RELN: variants seen among roughly 807,000 people sequenced by gnomAD.
RELN encodes reelin.
A neutral mutation model predicts 427.6 loss-of-function variants in RELN; 108 were observed. The observed-to-expected ratio is 0.25, with a 90% CI of 0.22 to 0.30. The LOEUF is 0.30. Ranked by LOEUF, RELN falls within the 10% of genes least tolerant of loss-of-function variation. The probability of loss-of-function intolerance (pLI) is 1.00; values close to 1 mark genes in which losing one functional copy is unlikely to be tolerated. For missense variants in RELN, 3,715 were observed against 4,302.8 expected, an observed-to-expected ratio of 0.86 and a Z score of 3.82; for synonymous variants, 1,524 against 1,513.4, an observed-to-expected ratio of 1.01 and a Z score of -0.16.
chr7:103,563,796 CTATGTTTAGA>C lies in RELN; in HGVS notation c.5210+1472_5210+1481del, dbSNP rs1408949464. ...ATACCATATTTTTATTGTACCTTTC[CTATGTTTAGA>C]TATGTTTAGATATACAAATACTTGG... On this transcript the variant is annotated intron_variant, in intron 34 of 64. Transcript: ENST00000428762. The surrounding 1 kb of genome is among the most constrained non-coding windows in gnomAD (Gnocchi z 4.1). 2.0e-5 allele frequency among the ~76,000 whole-genome samples: 3 copies of C among 152,100 alleles called. No homozygotes were observed. The highest frequency in any genetic ancestry group is 6.6e-5 in the Admixed American group (1 of 15,264).
At chr7:103,749,281 A>G (rs1001154158) in intron 6 of RELN, 145 bp downstream of exon 6, 2 of 712,602 alleles carry the variant, frequency 2.8e-6, no homozygotes, top group Admixed American at 4.2e-5. Context: ...AGTCTACATT[A>G]AGCCCAGTTC....
rs1470522542 is a variant in RELN at position 103,989,335 on chromosome 7, G to C, written c.22C>G (p.Arg8Gly). 20 of 1,564,762 alleles carry C rather than the reference G, an allele frequency of 1.3e-5. No individual in the cohort carries two copies. The highest frequency in any genetic ancestry group is 1.6e-5 in the Non-Finnish European group (19 of 1,154,160). ...AACAGCGCTAGGAGGAAAGTCTGCC[G>C]GGCCCAGCCACTGCGCTCCATGCCG... MERSGWARQTFLLALLLG... is the reference protein window; with the variant it reads MERSGWAGQTFLLALLLG... The change falls in exon 1 of 65, where the codon CGG (arginine) becomes GGG (glycine). Residue 8 changes from arginine (R) to glycine (G), a missense_variant. By Grantham distance (125) the Arg-to-Gly change is moderately radical (BLOSUM62 -2). Around this residue, in one of 4 missense-constraint regions of RELN, gnomAD observed 2,208 missense variants for 2,361.7 expected, o/e 0.93. Coordinates refer to ENST00000428762, the MANE Select transcript of RELN (RefSeq NM_005045.4). The surrounding 1 kb of genome is among the most constrained non-coding windows in gnomAD (Gnocchi z 4.9).
chr7:103,553,918 A>G, intron 38 of RELN, 87 bp from the exon 39 acceptor site: 3 of 1,140,916 alleles, frequency 2.6e-6, no homozygotes, highest in Non-Finnish European at 4.0e-6. Flanking sequence ...AAAGGACAAA[A>G]GCAACTCAGT....
At chr7:103,630,560 G>C (rs1314697874) in intron 19 of RELN, among the ~76,000 whole-genome samples, 1 of 152,092 alleles carries the variant, frequency 6.6e-6, no homozygotes, top group Non-Finnish European at 1.5e-5. Flanking sequence ...GCTGTGTCAT[G>C]GCAGCTATGA....
At chr7:103,879,917 A>AT (rs1032978542) in intron 2 of RELN, among the ~76,000 whole-genome samples, 5 of 151,546 alleles carry the variant, frequency 3.3e-5, no homozygotes, top group East Asian at 3.9e-4. Flanking sequence ...GCCATCATTA[A>AT]TTTTTTTTTC....
At chr7:103,525,982 G>A (rs1275742590) in intron 46 of RELN, among the ~76,000 whole-genome samples, 1 of 152,180 alleles carries the variant, frequency 6.6e-6, no homozygotes, top group East Asian at 1.9e-4. Flanking sequence ...TAAGTTGGTA[G>A]CAATAAAGAT....
At chr7:103,575,423 T>C in intron 29 of RELN, 125 bp downstream of exon 29, 3 of 1,159,512 alleles carry the variant, frequency 2.6e-6, no homozygotes, top group Non-Finnish European at 3.8e-6. Context: ...TGTGAATTCC[T>C]ACAATTCCTA....
intron 2 of RELN, among the ~76,000 whole-genome samples, chr7:103,893,331 C>G (rs529074169): frequency 1.5e-3 from 235 of 152,280 alleles, no homozygotes; most frequent in Non-Finnish European, 2.8e-3. Flanking sequence ...AGCTCTTGAT[C>G]TCCTTTATAG....
At chr7:103,713,977 G>A (rs1367841024) in intron 8 of RELN, among the ~76,000 whole-genome samples, 1 of 152,114 alleles carries the variant, frequency 6.6e-6, no homozygotes, top group African/African-American at 2.4e-5. Flanking sequence ...ATGATCTACT[G>A]TTAAGTAGAG....
intron 31 of RELN, 30 bp downstream of exon 31, chr7:103,572,154 T>A: frequency 7.6e-7 from 1 of 1,321,394 alleles, no homozygotes; most frequent in Non-Finnish European, 1.1e-6. Context: ...CAATAGTAAC[T>A]GTAATTTCCA....
intron 1 of RELN, among the ~76,000 whole-genome samples, chr7:103,920,571 T>TTG (rs1223049070): frequency 1.8e-5 from 2 of 112,126 alleles, no homozygotes; most frequent in East Asian, 6.8e-4. Context: ...TCTTTGGTTT[T>TTG]TTTTTTTGTT....
chr7:103,521,908 T>G, intron 48 of RELN, 114 bp downstream of exon 48: 1 of 1,047,076 alleles, frequency 9.6e-7, no homozygotes, highest in Non-Finnish European at 1.5e-6. Context: ...GGGTTGTACA[T>G]TTAGGGTAAC....
intron 26 of RELN, 83 bp downstream of exon 26, chr7:103,594,238 C>T: frequency 2.2e-6 from 3 of 1,378,008 alleles, no homozygotes; most frequent in Non-Finnish European, 3.1e-6. Context: ...GTGTCAAGCA[C>T]TAAATCCTTA....
At chr7:103,950,610 AT>A in intron 1 of RELN, among the ~76,000 whole-genome samples, 1 of 152,322 alleles carries the variant, frequency 6.6e-6, no homozygotes, top group Admixed American at 6.5e-5. Context: ...TTACTAAGTG[AT>A]TTTTAACATC....
Position 103,746,886 on chromosome 7 carries a change from C to T in RELN, c.656+2540G>A, listed in dbSNP as rs527615294. 6.3e-3 allele frequency among the ~76,000 whole-genome samples: 960 copies of T among 152,096 alleles called. 9 individuals are homozygous for T. Among genetic ancestry groups the T allele is most frequent in the African/African-American group, 0.022 (920 of 41,438 alleles). ...CCTCAGGGATCTAGAACTAGAAATA[C>T]CATTTGACCCAGCCATCCCATTACT... On this transcript the variant is annotated intron_variant, in intron 6 of 64. Coordinates refer to ENST00000428762, the MANE Select transcript of RELN (RefSeq NM_005045.4).
intron 1 of RELN, among the ~76,000 whole-genome samples, chr7:103,942,715 C>A (rs1796139774): frequency 1.3e-5 from 2 of 152,056 alleles, no homozygotes; most frequent in Non-Finnish European, 2.9e-5. Flanking sequence ...AGGTTGAGAC[C>A]ATCCTGGCCA....
chr7:103,487,540 T>C (rs1828487163), intron 60 of RELN, among the ~76,000 whole-genome samples: 1 of 152,004 alleles, frequency 6.6e-6, no homozygotes, highest in Admixed American at 6.5e-5. Flanking sequence ...TGGCTTATAT[T>C]GTTGGAAAAA....
At chr7:103,767,956 C>A (rs1400777669) in intron 4 of RELN, among the ~76,000 whole-genome samples, 2 of 152,156 alleles carry the variant, frequency 1.3e-5, no homozygotes, top group Non-Finnish European at 2.9e-5. Context: ...TTTCCCCCTA[C>A]AACACTTGCC....
At chr7:103,919,838 T>A (rs1052690367) in intron 1 of RELN, among the ~76,000 whole-genome samples, 2 of 152,202 alleles carry the variant, frequency 1.3e-5, no homozygotes, top group African/African-American at 4.8e-5. Context: ...AAGGGAAAAT[T>A]TACCATACAC....
Sources: gnomAD v4.1 joint callset for allele counts (sites outside exome capture counted in the v4.1 genomes callset) on GRCh38, gnomAD v4.1.1 for gene constraint, gnomAD v4.1.1 regional missense constraint, Gnocchi (gnomAD v3.1) non-coding constraint, MANE v1.5 for transcripts, NCBI Gene and HGNC (gene_info 2026-07-23, HGNC 2026-07-21) for gene names.